The following WRN variants were observed in gnomAD, a reference collection of about 807,000 sequenced individuals.
WRN encodes WRN RecQ like helicase.
In WRN, 149 loss-of-function variants were observed where a neutral mutation model predicts 180.7. That is an observed-to-expected ratio of 0.82 (90% CI 0.72 to 0.94). WRN has a LOEUF of 0.94. Among genes scored for constraint, WRN ranks in the 40% least tolerant of loss-of-function variants. The probability of loss-of-function intolerance (pLI) is 0.00; values close to 1 mark genes in which losing one functional copy is unlikely to be tolerated. For missense variants in WRN, 1,661 were observed against 1,700.1 expected (o/e 0.98, Z 0.40); for synonymous variants, 548 against 568.9 (o/e 0.96, Z 0.52).
chr8:31,172,961 A>G, intron 34 of WRN, 34 bp from the exon 35 acceptor site: 1 of 1,604,358 alleles, frequency 6.2e-7, no homozygotes, highest in African/African-American at 1.3e-5. Flanking sequence ...AGTAGTACAA[A>G]GATTTGATTT....
chr8:31,043,338 G>A (rs909785291), intron 1 of WRN, among the ~76,000 whole-genome samples: 1 of 152,160 alleles, frequency 6.6e-6, no homozygotes, highest in Admixed American at 6.5e-5. Flanking sequence ...ACTGAGACCT[G>A]ATCATAGCTC....
At chr8:31,162,817 G>A (rs887325302) in intron 33 of WRN, among the ~76,000 whole-genome samples, 3 of 152,138 alleles carry the variant, frequency 2.0e-5, no homozygotes, top group Non-Finnish European at 2.9e-5. Context: ...GTGCATGACT[G>A]TAAATTAGAT....
intron 1 of WRN, among the ~76,000 whole-genome samples, chr8:31,034,617 TACCTA>T (rs935927668): frequency 6.6e-6 from 1 of 152,150 alleles, no homozygotes; most frequent in African/African-American, 2.4e-5. Flanking sequence ...TAGTGGTGTC[TACCTA>T]AAAGGAAGAG....
chr8:31,131,552 T>A (rs1470646700), intron 23 of WRN: 1 of 152,534 alleles, frequency 6.6e-6, no homozygotes, highest in Non-Finnish European at 1.5e-5. Flanking sequence ...CATCTCCATG[T>A]CTGCTGCTGG....
intron 32 of WRN, 48 bp downstream of exon 32, chr8:31,154,803 C>T: frequency 6.2e-7 from 1 of 1,609,072 alleles, no homozygotes; most frequent in Non-Finnish European, 8.5e-7. Flanking sequence ...TTTACTTAAA[C>T]TTGTGTTTTA....
intron 31 of WRN, among the ~76,000 whole-genome samples, chr8:31,152,904 A>G (rs1395449479): frequency 6.6e-6 from 1 of 152,034 alleles, no homozygotes; most frequent in Non-Finnish European, 1.5e-5. Context: ...TTAGCCAGGC[A>G]TGGTGGTGCT....
chr8:31,063,594 C>T (rs189814888), intron 3 of WRN, among the ~76,000 whole-genome samples: 22 of 152,256 alleles, frequency 1.4e-4, no homozygotes, highest in African/African-American at 4.8e-4. Flanking sequence ...CCTCTTAACA[C>T]GTGGTATTCT....
chr8:31,058,412 T>C lies in WRN; in HGVS notation c.-36T>C. ...TGTTTTGTATTTACCCATGAAGACA[T>C]TGTTTTTTGGACTCTGCAAATAGGA... On this transcript the variant is annotated 5_prime_UTR_variant, in exon 2 of 35. Transcript: ENST00000298139. The C allele has an allele frequency of 6.4e-7, 1 of 1,574,212 alleles. No individual in the cohort carries two copies. Among genetic ancestry groups the C allele is most frequent in the Non-Finnish European group, 8.7e-7 (1 of 1,145,854 alleles).
chr8:31,072,071 A>T (rs1812934102), intron 7 of WRN, among the ~76,000 whole-genome samples: 3 of 152,300 alleles, frequency 2.0e-5, no homozygotes, highest in Middle Eastern at 3.4e-3. Flanking sequence ...AGTTTGAGTT[A>T]AGAGAGTTGG....
At chr8:31,065,840 T>C (rs1041302074) in intron 5 of WRN, among the ~76,000 whole-genome samples, 11 of 152,134 alleles carry the variant, frequency 7.2e-5, no homozygotes, top group Non-Finnish European at 1.3e-4. Flanking sequence ...ATGGAAAGCC[T>C]TTAGTTCTAA....
At position 31,172,996 on chromosome 8, in the gene WRN, C is replaced by T. The variant is rs752795658; in HGVS notation, c.4193C>T (p.Thr1398Ile). 1.1e-5 allele frequency: 17 copies of T among 1,613,510 alleles called. No individual in the cohort carries two copies. Among genetic ancestry groups the T allele is most frequent in the East Asian group, 8.9e-5 (4 of 44,822 alleles). ...SKEEVGINTE[T>I]SSAERKRRLP... ...TCTTTTTCTTTCTATTTCCTACAGA[C>T]TTCATCTGCAGAGAGAAAGAGACGA... is the stretch of plus-strand genomic sequence containing the variant. The change falls in exon 35 of 35, where the codon ACT (threonine) becomes ATT (isoleucine). Residue 1398 changes from threonine (T) to isoleucine (I), a missense_variant and splice_region_variant. By Grantham distance (89) the Thr-to-Ile change is moderately conservative. Around this residue, in one of 3 missense-constraint regions of WRN, gnomAD observed 1,141 missense variants for 1,149.4 expected, o/e 0.99. Coordinates refer to ENST00000298139, the MANE Select transcript of WRN (RefSeq NM_000553.6).
At chr8:31,107,625 C>G (rs1452128753) in intron 18 of WRN, among the ~76,000 whole-genome samples, 2 of 152,172 alleles carry the variant, frequency 1.3e-5, no homozygotes, top group Non-Finnish European at 2.9e-5. Flanking sequence ...TCTCACTGTT[C>G]TTGGTGCTTT....
Position 31,120,556 on chromosome 8 carries a change from AG to A in WRN, c.2630+133del, listed in dbSNP as rs1296954150. On this transcript the variant is annotated intron_variant, in intron 21 of 34. Transcript: ENST00000298139. ...GCATTTAAAGTAAAAAAAAAAAAAAAGAAAAATAAAACCTCCCCAAATCCAG... is the reference window on the plus strand; with the variant it reads ...GCATTTAAAGTAAAAAAAAAAAAAAAAAAAATAAAACCTCCCCAAATCCAG... The A allele has an allele frequency of 6.7e-5, 63 of 940,402 alleles. No individual in the cohort carries two copies. In the African/African-American group the frequency reaches 9.6e-4, roughly 14 times the overall value. 58.3% of individuals were successfully genotyped at this position (940,402 alleles called of 1,614,324 possible). A position where few individuals can be genotyped will look rare whatever the true frequency, so the allele number is the denominator to read the frequency against.
chr8:31,065,439 A>G (rs537803366), intron 5 of WRN, among the ~76,000 whole-genome samples: 3 of 151,894 alleles, frequency 2.0e-5, no homozygotes, highest in Non-Finnish European at 4.4e-5. Context: ...CTGTGTGTCC[A>G]TGTTTTCTTA....
intron 1 of WRN, among the ~76,000 whole-genome samples, chr8:31,044,254 G>A (rs929476151): frequency 4.0e-5 from 6 of 151,494 alleles, no homozygotes; most frequent in Non-Finnish European, 8.8e-5. Flanking sequence ...TGATAGCCAG[G>A]ATGGTCTCAA....
chr8:31,130,020 C>CAAAAAAAA (rs1190386295), intron 23 of WRN, among the ~76,000 whole-genome samples: 1 of 131,810 alleles, frequency 7.6e-6, no homozygotes, highest in Admixed American at 8.0e-5. Context: ...AAAAACAAAA[C>CAAAAAAAA]AAAACAAAAA....
intron 1 of WRN, among the ~76,000 whole-genome samples, chr8:31,048,511 CTG>C (rs144396750): frequency 6.6e-6 from 1 of 152,002 alleles, no homozygotes; most frequent in Non-Finnish European, 1.5e-5. Flanking sequence ...GATACACAAT[CTG>C]TGTGTGTGTA....
intron 32 of WRN, among the ~76,000 whole-genome samples, chr8:31,155,447 C>T (rs928346437): frequency 6.6e-6 from 1 of 151,842 alleles, no homozygotes; most frequent in Admixed American, 6.6e-5. Context: ...CATAGGGAGA[C>T]CCTGTCTTTA....
intron 1 of WRN, among the ~76,000 whole-genome samples, chr8:31,037,884 G>A (rs756977099): frequency 4.6e-5 from 7 of 152,076 alleles, no homozygotes; most frequent in Non-Finnish European, 7.4e-5. Flanking sequence ...TGAGGATAAT[G>A]TTTTCAAGGT....
Sources: gnomAD v4.1 joint callset for allele counts (sites outside exome capture counted in the v4.1 genomes callset) on GRCh38, gnomAD v4.1.1 for gene constraint, gnomAD v4.1.1 regional missense constraint, MANE v1.5 for transcripts, NCBI Gene and HGNC (gene_info 2026-07-23, HGNC 2026-07-21) for gene names.